CCSER1: variants seen among roughly 807,000 people sequenced by gnomAD.
CCSER1 encodes the protein serine-rich coiled-coil domain-containing protein 1.
CCSER1 carries 41 observed loss-of-function variants against 82.0 expected under a neutral mutation model. That is an observed-to-expected ratio of 0.50 (90% CI 0.39 to 0.65). The LOEUF (loss-of-function observed/expected upper bound fraction) is 0.65, where lower values mean the gene tolerates loss of function less well. Among genes scored for constraint, CCSER1 ranks in the 30% least tolerant of loss-of-function variants. The probability of loss-of-function intolerance (pLI) is 0.00; values close to 1 mark genes in which losing one functional copy is unlikely to be tolerated. For missense variants in CCSER1, 1,119 were observed against 1,064.2 expected (o/e 1.05, Z -0.72); for synonymous variants, 414 against 383.9 (o/e 1.08, Z -0.92).
At chr4:90,691,484 TCA>T (rs1435310283) in intron 6 of CCSER1, among the ~76,000 whole-genome samples, 3 of 151,854 alleles carry the variant, frequency 2.0e-5, no homozygotes, top group Non-Finnish European at 4.4e-5. Flanking sequence ...GTATTATATA[TCA>T]CATGTATATA....
chr4:90,213,431 G>A (rs1740404594), intron 1 of CCSER1, among the ~76,000 whole-genome samples: 3 of 152,148 alleles, frequency 2.0e-5, no homozygotes, highest in Admixed American at 2.0e-4. Flanking sequence ...TAGAATATGT[G>A]ATTCTGGATT....
chr4:90,578,088 T>C (rs1197506296), intron 5 of CCSER1, among the ~76,000 whole-genome samples: 2 of 152,152 alleles, frequency 1.3e-5, no homozygotes, highest in African/African-American at 4.8e-5. Flanking sequence ...TAAGACTAAA[T>C]ACCCTTTCAT....
intron 9 of CCSER1, among the ~76,000 whole-genome samples, chr4:90,983,858 G>A (rs1428993377): frequency 6.6e-6 from 1 of 151,670 alleles, no homozygotes; most frequent in African/African-American, 2.4e-5. Context: ...TCATTTGCCT[G>A]TATGCCATGC....
intron 7 of CCSER1, among the ~76,000 whole-genome samples, chr4:90,807,410 A>G (rs1436242844): frequency 2.6e-5 from 4 of 152,180 alleles, no homozygotes; most frequent in Non-Finnish European, 4.4e-5. Context: ...GTTAATAAGC[A>G]TCTTCCTTGT....
intron 10 of CCSER1, among the ~76,000 whole-genome samples, chr4:91,393,155 C>A (rs2149351821): frequency 6.6e-6 from 1 of 152,020 alleles, no homozygotes. Context: ...TTAAAGGAAA[C>A]TAACTCTTCT....
At chr4:90,595,271 C>T (rs17017247) in intron 5 of CCSER1, among the ~76,000 whole-genome samples, 46,787 of 151,778 alleles carry the variant, frequency 0.31, 8,045 homozygotes, top group East Asian at 0.55. Flanking sequence ...AAAGAAAATA[C>T]TGTTGCCTCA....
chr4:90,177,334 A>G (rs1732897222), intron 1 of CCSER1, among the ~76,000 whole-genome samples: 1 of 152,132 alleles, frequency 6.6e-6, no homozygotes, highest in African/African-American at 2.4e-5. Flanking sequence ...CAGCAATGGC[A>G]ACAAAAACTA....
chr4:91,604,516 G>A lies in CCSER1; in HGVS notation c.*5459G>A, dbSNP rs1764903122. ...TGAAAGCAATTAGAAAAAATGCTAA[G>A]AAATGATTTTATATTTTTTAAAGTA... On this transcript the variant is annotated 3_prime_UTR_variant, in exon 11 of 11. Coordinates refer to ENST00000509176, the MANE Select transcript of CCSER1 (RefSeq NM_001145065.2). 1 of 152,012 alleles carries A rather than the reference G, an allele frequency of 6.6e-6. No homozygotes were observed. Among genetic ancestry groups the A allele is most frequent in the Non-Finnish European group, 1.5e-5 (1 of 67,930 alleles). The allele number at this position is 152,012 out of a possible 1,614,324, so 9.4% of individuals were successfully genotyped here.
chr4:91,368,188 C>T (rs12186312), intron 10 of CCSER1, among the ~76,000 whole-genome samples: 34,781 of 151,914 alleles, frequency 0.23, 4,649 homozygotes, highest in Middle Eastern at 0.42. Flanking sequence ...ATAACTAAAA[C>T]TTTTATGATA....
At chr4:91,356,804 G>A (rs762231576) in intron 10 of CCSER1, among the ~76,000 whole-genome samples, 2 of 152,296 alleles carry the variant, frequency 1.3e-5, no homozygotes, top group Middle Eastern at 6.8e-3. Flanking sequence ...TTGGGAGACG[G>A]AAGCTGGATG....
chr4:91,178,817 T>C (rs1362943590), intron 10 of CCSER1, among the ~76,000 whole-genome samples: 2 of 152,172 alleles, frequency 1.3e-5, no homozygotes, highest in Non-Finnish European at 2.9e-5. Context: ...GTTAATATTG[T>C]TATGTGTGAA....
intron 9 of CCSER1, among the ~76,000 whole-genome samples, chr4:91,049,291 A>T (rs1742793830): frequency 6.6e-6 from 1 of 152,180 alleles, no homozygotes; most frequent in Admixed American, 6.5e-5. Context: ...TAATAATGCA[A>T]CTAGTTGTAT....
At chr4:90,817,961 T>TTA (rs1049516492) in intron 8 of CCSER1, among the ~76,000 whole-genome samples, 5 of 152,276 alleles carry the variant, frequency 3.3e-5, no homozygotes, top group South Asian at 4.1e-4. Flanking sequence ...ACCAGTTGAG[T>TTA]TATACCCTAC....
rs144246353 is a variant in CCSER1, at chr4:90,597,953, G to A, written c.1725-30072G>A. Among the ~76,000 whole-genome samples, 1,381 of 151,938 alleles carry A rather than the reference G, an allele frequency of 9.1e-3. 20 individuals are homozygous for A. Among genetic ancestry groups the A allele is most frequent in the African/African-American group, 0.029 (1,188 of 41,468 alleles). On this transcript the variant is annotated intron_variant, in intron 5 of 10. Coordinates refer to ENST00000509176, the MANE Select transcript of CCSER1 (RefSeq NM_001145065.2). ...AATGTCTTTCCAGTCCATCCATGTT[G>A]TGTCAAATGGCAGGATCTGATTTTT...
At chr4:90,333,972 T>C (rs1003245575) in intron 3 of CCSER1, among the ~76,000 whole-genome samples, 1 of 152,156 alleles carries the variant, frequency 6.6e-6, no homozygotes, top group African/African-American at 2.4e-5. Context: ...AATAGCAAAA[T>C]CAAACAATTA....
chr4:90,830,473 T>G (rs777675302), intron 8 of CCSER1, among the ~76,000 whole-genome samples: 3 of 152,188 alleles, frequency 2.0e-5, no homozygotes, highest in Non-Finnish European at 4.4e-5. Context: ...ATACACAGAC[T>G]TGTGGAGTAT....
chr4:91,440,612 C>A (rs1260799715), intron 10 of CCSER1, among the ~76,000 whole-genome samples: 1 of 152,082 alleles, frequency 6.6e-6, no homozygotes. Context: ...CAAGAAATAA[C>A]TAAAATCAGA....
At chr4:90,296,126 T>A (rs946202079) in intron 1 of CCSER1, among the ~76,000 whole-genome samples, 1 of 152,104 alleles carries the variant, frequency 6.6e-6, no homozygotes, top group Non-Finnish European at 1.5e-5. Context: ...AAATTCAGCT[T>A]TTGGAAATCA....
chr4:90,276,236 TTC>T (rs1727608235), intron 1 of CCSER1, among the ~76,000 whole-genome samples: 1 of 110,738 alleles, frequency 9.0e-6, no homozygotes, highest in African/African-American at 3.6e-5. Context: ...CTTTCTTTCT[TTC>T]TTTCTTTCTT....
Sources: gnomAD v4.1 joint callset for allele counts (sites outside exome capture counted in the v4.1 genomes callset) on GRCh38, gnomAD v4.1.1 for gene constraint, MANE v1.5 for transcripts, NCBI Gene and HGNC (gene_info 2026-07-23, HGNC 2026-07-21) for gene names.